Variants in CNTN4 observed in about 807,000 individuals in gnomAD.
The protein encoded by CNTN4 is contactin 4.
CNTN4 carries 77 observed loss-of-function variants against 122.5 expected under a neutral mutation model. That is an observed-to-expected ratio of 0.63 (90% confidence interval 0.52 to 0.76). The LOEUF is 0.76. Ranked by LOEUF, CNTN4 falls within the 30% of genes least tolerant of loss-of-function variation. The pLI is 0.00. For synonymous variants in CNTN4, 512 were observed against 447.0 expected, an observed-to-expected ratio of 1.15 and a Z score of -1.83; for missense variants, 1,256 against 1,259.1, an observed-to-expected ratio of 1.00 and a Z score of 0.04.
chr3:2,223,129 A>T (rs981389405), intron 2 of CNTN4, among the ~76,000 whole-genome samples: 2 of 152,094 alleles, frequency 1.3e-5, no homozygotes, highest in Non-Finnish European at 2.9e-5. Flanking sequence ...TTTACCAAAT[A>T]TTGAGAGTTA....
chr3:2,355,959 C>A (rs1050755581), intron 3 of CNTN4, among the ~76,000 whole-genome samples: 1 of 152,198 alleles, frequency 6.6e-6, no homozygotes, highest in African/African-American at 2.4e-5. Flanking sequence ...CGGGAAGCCA[C>A]TTCCTTCCTG....
chr3:2,224,904 ATT>A (rs970529233), intron 2 of CNTN4, among the ~76,000 whole-genome samples: 9 of 152,090 alleles, frequency 5.9e-5, no homozygotes, highest in Non-Finnish European at 1.5e-5. Context: ...TAATCCCAGC[ATT>A]TTGGGAGGCC....
At chr3:2,168,448 C>T (rs1160308771) in intron 2 of CNTN4, among the ~76,000 whole-genome samples, 1 of 151,746 alleles carries the variant, frequency 6.6e-6, no homozygotes, top group African/African-American at 2.4e-5. Context: ...AATATGTGGT[C>T]AGATGTTTAC....
intron 4 of CNTN4, among the ~76,000 whole-genome samples, chr3:2,708,903 T>G (rs528514069): frequency 5.3e-5 from 8 of 152,372 alleles, no homozygotes; most frequent in Admixed American, 6.5e-5. Flanking sequence ...TGTAAAATAT[T>G]GTAATAAGAG....
chr3:2,267,113 C>T (rs150979375), intron 2 of CNTN4, among the ~76,000 whole-genome samples: 7 of 152,144 alleles, frequency 4.6e-5, no homozygotes, highest in East Asian at 1.9e-4. Flanking sequence ...TTTCCTGTGT[C>T]GGAAAGATAG....
chr3:2,259,997 A>G (rs1373976434), intron 2 of CNTN4, among the ~76,000 whole-genome samples: 1 of 152,118 alleles, frequency 6.6e-6, no homozygotes, highest in African/African-American at 2.4e-5. Flanking sequence ...GAGCTTTCCC[A>G]TGATTTTCAT....
At chr3:2,366,659 G>A (rs913323187) in intron 3 of CNTN4, among the ~76,000 whole-genome samples, 4 of 151,756 alleles carry the variant, frequency 2.6e-5, no homozygotes, top group Admixed American at 6.6e-5. Flanking sequence ...CCCGGGAGGC[G>A]GAGCTTGCAG....
At chr3:2,166,209 A>AC (rs1320248829) in intron 2 of CNTN4, among the ~76,000 whole-genome samples, 3 of 152,114 alleles carry the variant, frequency 2.0e-5, no homozygotes, top group Admixed American at 2.0e-4. Context: ...CTTCGTTTTC[A>AC]CCACATCCTT....
intron 4 of CNTN4, among the ~76,000 whole-genome samples, chr3:2,726,136 G>A (rs187505207): frequency 1.5e-3 from 226 of 152,116 alleles, no homozygotes; most frequent in East Asian, 1.4e-3. Context: ...TCTCTTTTTA[G>A]GTTCTCTCTC....
At chr3:2,935,649 G>C (rs1040804233) in intron 13 of CNTN4, among the ~76,000 whole-genome samples, 1 of 152,104 alleles carries the variant, frequency 6.6e-6, no homozygotes, top group Non-Finnish European at 1.5e-5. Flanking sequence ...CACGGAAAAG[G>C]GACGAAACAG....
intron 2 of CNTN4, among the ~76,000 whole-genome samples, chr3:2,186,901 C>A (rs1351910614): frequency 1.3e-5 from 2 of 152,118 alleles, no homozygotes; most frequent in African/African-American, 4.8e-5. Flanking sequence ...ATGGTGATTT[C>A]TTTTGCTTTG....
At chr3:2,785,105 G>A (rs1001218755) in intron 6 of CNTN4, among the ~76,000 whole-genome samples, 3 of 141,690 alleles carry the variant, frequency 2.1e-5, no homozygotes, top group Non-Finnish European at 4.5e-5. Context: ...GTACACATTT[G>A]TACATGCGTA....
chr3:2,343,598 C>G (rs1322828214), intron 3 of CNTN4, among the ~76,000 whole-genome samples: 1 of 152,208 alleles, frequency 6.6e-6, no homozygotes, highest in African/African-American at 2.4e-5. Flanking sequence ...GAGCCACTTG[C>G]TCAAGATTGC....
At chr3:2,958,963 C>T (rs116711868) in intron 13 of CNTN4, among the ~76,000 whole-genome samples, 10 of 152,212 alleles carry the variant, frequency 6.6e-5, no homozygotes, top group Admixed American at 3.3e-4. Flanking sequence ...TGACAAAAAC[C>T]GTGCCTCCAG....
chr3:2,563,643 A>C (rs2079044341), intron 3 of CNTN4, among the ~76,000 whole-genome samples: 1 of 152,206 alleles, frequency 6.6e-6, no homozygotes, highest in Admixed American at 6.5e-5. Context: ...AATTGTGAGA[A>C]AAATCATAGC....
At chr3:3,004,972 A>G (rs79224480) in intron 14 of CNTN4, among the ~76,000 whole-genome samples, 17,914 of 152,234 alleles carry the variant, frequency 0.12, 1,152 homozygotes, top group Non-Finnish European at 0.13. Flanking sequence ...TTAAAATTCA[A>G]GAGGCAGCCC....
intron 2 of CNTN4, among the ~76,000 whole-genome samples, chr3:2,107,047 A>G (rs2032505132): frequency 6.6e-6 from 1 of 152,158 alleles, no homozygotes; most frequent in Admixed American, 6.5e-5. Context: ...GGCCAAAACC[A>G]TTCAACAAGT....
intron 3 of CNTN4, among the ~76,000 whole-genome samples, chr3:2,524,456 C>T (rs954104738): frequency 1.3e-5 from 2 of 152,006 alleles, no homozygotes; most frequent in Non-Finnish European, 2.9e-5. Context: ...AATCTGGAAT[C>T]GTTTTTGTGT....
intron 2 of CNTN4, among the ~76,000 whole-genome samples, chr3:2,270,767 T>C (rs11915265): frequency 0.56 from 84,280 of 151,498 alleles, 23,655 homozygotes; most frequent in South Asian, 0.67. Context: ...TTACATTCCT[T>C]TGGAGGGTCC....
Sources: gnomAD v4.1 joint callset for allele counts (sites outside exome capture counted in the v4.1 genomes callset) on GRCh38, gnomAD v4.1.1 for gene constraint, MANE v1.5 for transcripts, NCBI Gene and HGNC (gene_info 2026-07-23, HGNC 2026-07-21) for gene names.